The following C12orf56 variants were observed in gnomAD, a reference collection of about 807,000 sequenced individuals.
C12orf56 encodes the protein uncharacterized protein C12orf56.
In C12orf56, 71 loss-of-function variants were observed where a neutral mutation model predicts 69.9. The ratio of observed to expected loss-of-function variants is 1.02; its 90% CI spans 0.84 to 1.24. The LOEUF (loss-of-function observed/expected upper bound fraction) is 1.24, where lower values mean the gene tolerates loss of function less well. Among genes scored for constraint, C12orf56 ranks in the 50% most tolerant of loss-of-function variants. The pLI, the probability that C12orf56 is intolerant of heterozygous loss-of-function variation, is 0.00. For missense variants in C12orf56, 732 were observed against 738.5 expected, an observed-to-expected ratio of 0.99 and a Z score of 0.10; for synonymous variants, 276 against 274.1, an observed-to-expected ratio of 1.01 and a Z score of -0.07.
intron 2 of C12orf56, among the ~76,000 whole-genome samples, chr12:64,336,865 A>G (rs796868795): frequency 1.3e-5 from 2 of 152,234 alleles, no homozygotes; most frequent in African/African-American, 4.8e-5. Context: ...TAAAGATTCA[A>G]TCTTAAGGGC....
intron 5 of C12orf56, among the ~76,000 whole-genome samples, chr12:64,305,267 T>C (rs941970709): frequency 3.3e-5 from 5 of 152,214 alleles, no homozygotes; most frequent in South Asian, 4.1e-4. Context: ...GATCTACCCC[T>C]ACTCAGTTAG....
intron 1 of C12orf56, among the ~76,000 whole-genome samples, chr12:64,382,523 A>G (rs1364071987): frequency 6.6e-6 from 1 of 152,148 alleles, no homozygotes; most frequent in Non-Finnish European, 1.5e-5. Flanking sequence ...TTTTAAGTAT[A>G]TTTAATTTAT....
chr12:64,343,261 G>T (rs2039098442), intron 2 of C12orf56, among the ~76,000 whole-genome samples: 1 of 152,142 alleles, frequency 6.6e-6, no homozygotes, highest in East Asian at 1.9e-4. Flanking sequence ...CTATCCTCTA[G>T]CACACAAATG....
At chr12:64,296,643 G>A (rs2038368366) in intron 6 of C12orf56, among the ~76,000 whole-genome samples, 1 of 152,174 alleles carries the variant, frequency 6.6e-6, no homozygotes, top group Non-Finnish European at 1.5e-5. Context: ...AATGTATTTT[G>A]TATGTAAAAA....
At chr12:64,366,889 T>A (rs2039492760) in intron 1 of C12orf56, among the ~76,000 whole-genome samples, 1 of 129,320 alleles carries the variant, frequency 7.7e-6, no homozygotes, top group Non-Finnish European at 1.5e-5. Context: ...ATATATTATA[T>A]AACATACAGT....
intron 8 of C12orf56, among the ~76,000 whole-genome samples, chr12:64,283,344 C>CA (rs1234458002): frequency 6.6e-6 from 1 of 151,708 alleles, no homozygotes; most frequent in Non-Finnish European, 1.5e-5. Context: ...AACTCTGTAT[C>CA]AAAAAAATAA....
At chr12:64,322,770 T>A (rs1466080028) in intron 3 of C12orf56, among the ~76,000 whole-genome samples, 1 of 152,206 alleles carries the variant, frequency 6.6e-6, no homozygotes, top group Non-Finnish European at 1.5e-5. Flanking sequence ...CTACTTAGTG[T>A]TTTCTATCCC....
Position 64,266,995 on chromosome 12 carries a change from A to G in C12orf56, c.*188T>C, listed in dbSNP as rs911527812. On this transcript the variant is annotated 3_prime_UTR_variant, in exon 13 of 13. Coordinates refer to ENST00000543942, the MANE Select transcript of C12orf56 (RefSeq NM_001170633.2). ...GATCTTTGCACACTTATAATAAATC[A>G]AATTTATTTTTTAAAATTTTAAACT... is the stretch of plus-strand genomic sequence containing the variant. The G allele has an allele frequency of 1.2e-5, 6 of 518,560 alleles. No homozygotes were observed. In the African/African-American group the frequency reaches 1.2e-4, roughly 10 times the overall value. 32.1% of individuals were successfully genotyped at this position (518,560 alleles called of 1,614,324 possible). A position where few individuals can be genotyped will look rare whatever the true frequency, so the allele number is the denominator to read the frequency against.
At chr12:64,286,807 G>A (rs960746490) in intron 6 of C12orf56, among the ~76,000 whole-genome samples, 2 of 152,164 alleles carry the variant, frequency 1.3e-5, no homozygotes, top group African/African-American at 4.8e-5. Context: ...TTTAGAAAGT[G>A]TATGCGTCCC....
chr12:64,384,947 G>A (rs551541211), intron 1 of C12orf56, among the ~76,000 whole-genome samples: 5 of 151,600 alleles, frequency 3.3e-5, no homozygotes, highest in African/African-American at 4.9e-5. Flanking sequence ...CCAGCTACCC[G>A]AGAGGCTGAG....
intron 11 of C12orf56, among the ~76,000 whole-genome samples, chr12:64,273,168 G>A (rs891807349): frequency 4.6e-5 from 7 of 152,014 alleles, no homozygotes; most frequent in Non-Finnish European, 8.8e-5. Flanking sequence ...GGTGGCAGGT[G>A]CCTGTAATCC....
At chr12:64,367,390 T>C (rs1422867674) in intron 1 of C12orf56, among the ~76,000 whole-genome samples, 1 of 147,036 alleles carries the variant, frequency 6.8e-6, no homozygotes, top group Non-Finnish European at 1.5e-5. Flanking sequence ...TATACAAATA[T>C]AAAGAAACTA....
chr12:64,274,295 G>A (rs2038024416), intron 11 of C12orf56, among the ~76,000 whole-genome samples: 1 of 152,240 alleles, frequency 6.6e-6, no homozygotes. Flanking sequence ...ACACAGCAGG[G>A]AGGCTGAGGG....
At chr12:64,352,849 C>CTT (rs374374909) in intron 2 of C12orf56, 45 bp downstream of exon 2, 23 of 1,312,110 alleles carry the variant, frequency 1.8e-5, no homozygotes, top group East Asian at 2.7e-5. Flanking sequence ...TATATATATA[C>CTT]TTTTTTTTTT....
chr12:64,274,589 A>C (rs144061165), intron 11 of C12orf56, among the ~76,000 whole-genome samples: 67 of 152,334 alleles, frequency 4.4e-4, no homozygotes, highest in African/African-American at 1.6e-3. Context: ...CATGCTCACT[A>C]TTTAAGGTAA....
chr12:64,298,861 C>A (rs1334338505), intron 6 of C12orf56, among the ~76,000 whole-genome samples: 2 of 152,116 alleles, frequency 1.3e-5, no homozygotes, highest in Non-Finnish European at 2.9e-5. Context: ...CTTGGCTATG[C>A]GGGCTCTTTT....
intron 1 of C12orf56, among the ~76,000 whole-genome samples, chr12:64,363,736 G>C (rs1313551096): frequency 6.6e-6 from 1 of 152,160 alleles, no homozygotes; most frequent in Non-Finnish European, 1.5e-5. Context: ...GCCACCATTG[G>C]AACACTGATG....
chr12:64,322,460 T>C (rs1395599490), intron 3 of C12orf56, among the ~76,000 whole-genome samples: 4 of 152,162 alleles, frequency 2.6e-5, no homozygotes, highest in Non-Finnish European at 4.4e-5. Context: ...ACTTTCTGTC[T>C]TTCCATTTGC....
At chr12:64,280,375 A>G (rs556621898) in intron 8 of C12orf56, among the ~76,000 whole-genome samples, 1 of 152,182 alleles carries the variant, frequency 6.6e-6, no homozygotes, top group Non-Finnish European at 1.5e-5. Context: ...ATGAATTTTG[A>G]ATGTACTACA....
Sources: gnomAD v4.1 joint callset for allele counts (sites outside exome capture counted in the v4.1 genomes callset) on GRCh38, gnomAD v4.1.1 for gene constraint, MANE v1.5 for transcripts, NCBI Gene and HGNC (gene_info 2026-07-23, HGNC 2026-07-21) for gene names.